Variants in ASH2L observed in about 807,000 individuals in gnomAD.
ASH2L encodes set1/Ash2 histone methyltransferase complex subunit ASH2.
Under a neutral mutation model 81.1 loss-of-function variants are expected in ASH2L, and 30 were observed. The ratio of observed to expected loss-of-function variants is 0.37; its 90% confidence interval spans 0.28 to 0.50. The LOEUF (loss-of-function observed/expected upper bound fraction) is 0.50. ASH2L is among the 20% of genes least tolerant of loss of function. The pLI is 0.95. For missense variants in ASH2L, 559 were observed against 792.1 expected (o/e 0.71, Z 3.53); for synonymous variants, 273 against 279.9 (o/e 0.98, Z 0.24).
chr8:38,122,029 G>A (rs938616221), intron 10 of ASH2L, among the ~76,000 whole-genome samples: 1 of 152,152 alleles, frequency 6.6e-6, no homozygotes, highest in Non-Finnish European at 1.5e-5. Context: ...AATTATGACT[G>A]TGTTGTATGA....
intron 1 of ASH2L, chr8:38,106,055 G>A (rs1810415094): frequency 6.6e-7 from 1 of 1,525,794 alleles, no homozygotes; most frequent in Non-Finnish European, 8.8e-7. Context: ...TGCAGTGCCA[G>A]ACTGGAAGAA....
chr8:38,116,790 C>A, intron 8 of ASH2L, 65 bp downstream of exon 8: 1 of 1,382,030 alleles, frequency 7.2e-7, no homozygotes, highest in Non-Finnish European at 1.0e-6. Context: ...GTGCCTAGAA[C>A]TGGCCATTCT....
intron 5 of ASH2L, among the ~76,000 whole-genome samples, chr8:38,112,860 G>A (rs1810743664): frequency 6.6e-6 from 1 of 152,012 alleles, no homozygotes; most frequent in African/African-American, 2.4e-5. Context: ...ACATTCTTTG[G>A]TTGCAAGTCT....
At position 38,128,701 on chromosome 8, in the gene ASH2L, C is replaced by G; in HGVS notation, c.1334-57C>G. The G allele has an allele frequency of 1.9e-6, 3 of 1,564,128 alleles. No homozygotes were observed. In the South Asian group the frequency reaches 3.6e-5, roughly 19 times the overall value. On this transcript the variant is annotated intron_variant, in intron 11 of 15. Coordinates refer to ENST00000343823, the MANE Select transcript of ASH2L (RefSeq NM_004674.5). ...AAGAAATAGGATCTTTTTCCTTCAG[C>G]AAACTAGATTTGACTTGCAATCTTC...
In ASH2L at chr8:38,128,185, A is replaced by AT; in HGVS notation, c.1166-105dup. The AT allele has an allele frequency of 1.3e-5, 17 of 1,334,976 alleles. No homozygotes were observed. The South Asian group carries it at 2.2e-4, about 17-fold the overall frequency. 82.7% of individuals were successfully genotyped at this position (1,334,976 alleles called of 1,614,324 possible). Reference sequence around the variant, plus strand: ...ACTAATATTTCAAACACCTGACCTGATATTTGTGATTTTTAAATTGTTTTA... The same window carrying AT: ...ACTAATATTTCAAACACCTGACCTGATTATTTGTGATTTTTAAATTGTTTTA... On this transcript the variant is annotated intron_variant, in intron 10 of 15. Coordinates refer to ENST00000343823, the MANE Select transcript of ASH2L (RefSeq NM_004674.5).
chr8:38,114,811 C>T (rs894401786), intron 6 of ASH2L, 94 bp from the exon 7 acceptor site: 3 of 789,850 alleles, frequency 3.8e-6, no homozygotes, highest in African/African-American at 3.5e-5. Context: ...GACACTGCAC[C>T]TAGGAATTGA....
intron 8 of ASH2L, chr8:38,118,999 C>A: frequency 3.2e-6 from 1 of 312,634 alleles, no homozygotes; most frequent in South Asian, 3.6e-5. Flanking sequence ...CCAATAGTTG[C>A]AGTTTATTAG....
intron 5 of ASH2L, among the ~76,000 whole-genome samples, chr8:38,112,032 G>T (rs1020668325): frequency 4.0e-5 from 6 of 151,888 alleles, no homozygotes; most frequent in Admixed American, 6.6e-5. Context: ...TATTCAGTTG[G>T]GTTTTGCTCT....
In ASH2L at chr8:38,120,916, T is replaced by C; in HGVS notation, c.948-16T>C. On this transcript the variant is annotated splice_polypyrimidine_tract_variant and intron_variant, in intron 9 of 15. Coordinates refer to ENST00000343823, the MANE Select transcript of ASH2L (RefSeq NM_004674.5). ...GGGGGTTTTAGTTTTTTGATGTTAT[T>C]TTTTCCTTTCTGCAGTGACCCTTTG... 1.2e-6 allele frequency: 2 copies of C among 1,609,846 alleles called. No homozygotes were observed. Among genetic ancestry groups the C allele is most frequent in the Non-Finnish European group, 1.7e-6 (2 of 1,177,258 alleles).
intron 10 of ASH2L, among the ~76,000 whole-genome samples, chr8:38,126,254 C>G (rs996880280): frequency 6.6e-6 from 1 of 151,634 alleles, no homozygotes; most frequent in Non-Finnish European, 1.5e-5. Context: ...GAGGGACATT[C>G]TACAAACTGA....
At chr8:38,131,090 G>T (rs950133057) in intron 12 of ASH2L, among the ~76,000 whole-genome samples, 1 of 152,074 alleles carries the variant, frequency 6.6e-6, no homozygotes, top group African/African-American at 2.4e-5. Context: ...CAGTGTCTTG[G>T]TTATCATAGC....
At chr8:38,106,177 G>T in intron 1 of ASH2L, 1 of 1,524,356 alleles carries the variant, frequency 6.6e-7, no homozygotes. Flanking sequence ...GCTTCCCTGT[G>T]CTCCGTGGGT....
intron 11 of ASH2L, 145 bp downstream of exon 11, chr8:38,128,603 G>A (rs901377517): frequency 4.1e-6 from 6 of 1,451,612 alleles, no homozygotes; most frequent in Middle Eastern, 1.8e-4. Flanking sequence ...TGCTATTCCC[G>A]GGATATTTTT....
At position 38,114,904 on chromosome 8, in the gene ASH2L, G is replaced by C; in HGVS notation, c.682-1G>C. On this transcript the variant is annotated splice_acceptor_variant, in intron 6 of 15. Coordinates refer to ENST00000343823, the MANE Select transcript of ASH2L (RefSeq NM_004674.5). LOFTEE classifies it high-confidence loss of function. The stretch of plus-strand genomic sequence containing the variant: ...AATAGTAAAACACTACTTCTTTTTA[G>C]AGTAAAGAAAGAGATGTATTCTTGG... 6.3e-7 allele frequency: 1 copy of C among 1,582,868 alleles called. No homozygotes were observed. Among genetic ancestry groups the C allele is most frequent in the Non-Finnish European group, 8.7e-7 (1 of 1,152,580 alleles).
chr8:38,135,000 G>A (rs962977330), intron 13 of ASH2L, among the ~76,000 whole-genome samples: 1 of 151,556 alleles, frequency 6.6e-6, no homozygotes, highest in African/African-American at 2.4e-5. Flanking sequence ...TGATAAACAA[G>A]CACGCTTAAA....
chr8:38,112,079 T>C (rs928095516), intron 5 of ASH2L, among the ~76,000 whole-genome samples: 1 of 152,166 alleles, frequency 6.6e-6, no homozygotes, highest in Non-Finnish European at 1.5e-5. Flanking sequence ...CAGGCCCGGC[T>C]CACTGCAGCC....
intron 7 of ASH2L, 82 bp downstream of exon 7, chr8:38,115,082 T>G (rs1810842140): frequency 1.1e-6 from 1 of 918,624 alleles, no homozygotes; most frequent in African/African-American, 1.6e-5. Context: ...CATTTGTATA[T>G]TTGCCACATA....
intron 10 of ASH2L, among the ~76,000 whole-genome samples, chr8:38,124,847 A>T (rs1801770204): frequency 6.6e-6 from 1 of 152,222 alleles, no homozygotes; most frequent in African/African-American, 2.4e-5. Flanking sequence ...GGTAATTTGT[A>T]AAGAAAAGAG....
intron 3 of ASH2L, among the ~76,000 whole-genome samples, chr8:38,108,005 G>A (rs566972738): frequency 4.0e-5 from 6 of 151,884 alleles, no homozygotes; most frequent in African/African-American, 9.7e-5. Flanking sequence ...CAGGATCACA[G>A]CTTTCTGCAG....
Sources: allele counts gnomAD v4.1 joint callset (sites outside exome capture counted in the v4.1 genomes callset), GRCh38; gene constraint gnomAD v4.1.1; transcripts MANE v1.5; gene names NCBI Gene and HGNC (gene_info 2026-07-23, HGNC 2026-07-21).